CADPS2: variants seen among roughly 807,000 people sequenced by gnomAD.
CADPS2 encodes calcium dependent secretion activator 2, also known as calcium-dependent secretion activator 2.
Under a neutral mutation model 172.5 loss-of-function variants are expected in CADPS2, and 93 were observed. The ratio of observed to expected loss-of-function variants is 0.54; its 90% CI spans 0.46 to 0.64. The LOEUF (loss-of-function observed/expected upper bound fraction) is 0.64, where lower values mean the gene tolerates loss of function less well. Among genes scored for constraint, CADPS2 ranks in the 30% least tolerant of loss-of-function variants. CADPS2 has a pLI of 0.00. For missense variants in CADPS2, 1,420 were observed against 1,565.9 expected, an observed-to-expected ratio of 0.91 and a Z score of 1.57; for synonymous variants, 546 against 555.2, an observed-to-expected ratio of 0.98 and a Z score of 0.23.
intron 6 of CADPS2, among the ~76,000 whole-genome samples, chr7:122,610,865 G>C (rs2074206409): frequency 6.6e-6 from 1 of 152,086 alleles, no homozygotes; most frequent in Admixed American, 6.6e-5. Flanking sequence ...TTCTTCCAAT[G>C]GGTTTCAGAA....
At chr7:122,475,543 T>C (rs1230243503) in intron 12 of CADPS2, among the ~76,000 whole-genome samples, 1 of 152,206 alleles carries the variant, frequency 6.6e-6, no homozygotes, top group Non-Finnish European at 1.5e-5. Flanking sequence ...AAAAGTTTAT[T>C]GATTAAACCC....
intron 6 of CADPS2, among the ~76,000 whole-genome samples, chr7:122,593,467 G>A (rs543019412): frequency 7.9e-5 from 12 of 152,042 alleles, no homozygotes; most frequent in East Asian, 7.8e-4. Context: ...GACCCGGGGC[G>A]AGCAACTTTA....
chr7:122,520,287 AC>A (rs2060681701), intron 8 of CADPS2, among the ~76,000 whole-genome samples: 1 of 152,068 alleles, frequency 6.6e-6, no homozygotes, highest in Admixed American at 6.6e-5. Flanking sequence ...CAATGCTTAT[AC>A]GACAAAACTA....
Position 122,663,201 on chromosome 7 carries a change from C to G in CADPS2, c.786+36G>C. On this transcript the variant is annotated intron_variant, in intron 3 of 29. Transcript: ENST00000449022. ...AATACTTCATGTTCATTCCACGAGTCAGACAGGGGAAGGGAAAATATCAGA... is the reference window on the plus strand; with the variant it reads ...AATACTTCATGTTCATTCCACGAGTGAGACAGGGGAAGGGAAAATATCAGA... The G allele has an allele frequency of 2.1e-6, 3 of 1,424,326 alleles. No homozygotes were observed. The South Asian group carries it at 3.7e-5, about 18-fold the overall frequency. The allele number at this position is 1,424,326 out of a possible 1,614,324, so 88.2% of individuals were successfully genotyped here.
intron 14 of CADPS2, among the ~76,000 whole-genome samples, chr7:122,457,734 G>C (rs1337526805): frequency 6.6e-6 from 1 of 152,132 alleles, no homozygotes; most frequent in Admixed American, 6.6e-5. Context: ...CCATCTTCTA[G>C]AGTTATTTTT....
At chr7:122,396,416 A>G (rs2045138414) in intron 20 of CADPS2, among the ~76,000 whole-genome samples, 1 of 152,166 alleles carries the variant, frequency 6.6e-6, no homozygotes, top group Non-Finnish European at 1.5e-5. Flanking sequence ...TAGGATCCTA[A>G]TATTTCCTCT....
At position 122,552,791 on chromosome 7, in the gene CADPS2, T is replaced by TTA. The variant is rs1554617944; in HGVS notation, c.1475+1758_1475+1759insTA. Among the ~76,000 whole-genome samples the TTA allele has an allele frequency of 7.0e-4, 105 of 150,852 alleles. 1 individual carries two copies. Among genetic ancestry groups the TTA allele is most frequent in the African/African-American group, 2.4e-3 (100 of 40,912 alleles). ...TAGGTTCCTGTTTTTTTTTTTTTTT[T>TTA]TTATTATTGTGCCATTCATCAAAAG... On this transcript the variant is annotated intron_variant, in intron 8 of 29. Coordinates refer to ENST00000449022, the MANE Select transcript of CADPS2 (RefSeq NM_017954.11).
intron 9 of CADPS2, among the ~76,000 whole-genome samples, chr7:122,512,082 A>G (rs2060043491): frequency 6.6e-6 from 1 of 152,090 alleles, no homozygotes; most frequent in South Asian, 2.1e-4. Flanking sequence ...AGAAGAGGTT[A>G]CTTTTTAGCC....
chr7:122,623,598 A>C (rs1430271343), intron 4 of CADPS2, among the ~76,000 whole-genome samples: 1 of 152,190 alleles, frequency 6.6e-6, no homozygotes, highest in Non-Finnish European at 1.5e-5. Context: ...TTCAGTTTAA[A>C]TCTGTATTAG....
At chr7:122,382,756 G>A (rs1328090437) in intron 24 of CADPS2, among the ~76,000 whole-genome samples, 2 of 152,048 alleles carry the variant, frequency 1.3e-5, no homozygotes, top group East Asian at 3.9e-4. Flanking sequence ...GTTCAAGGTT[G>A]CAGTGAGCTA....
intron 28 of CADPS2, among the ~76,000 whole-genome samples, chr7:122,327,250 C>T (rs1384417564): frequency 6.6e-6 from 1 of 152,028 alleles, no homozygotes; most frequent in African/African-American, 2.4e-5. Flanking sequence ...AAATAATTTA[C>T]AGCTTCAACT....
chr7:122,332,790 A>T (rs995329839), intron 28 of CADPS2, among the ~76,000 whole-genome samples: 1 of 152,228 alleles, frequency 6.6e-6, no homozygotes, highest in African/African-American at 2.4e-5. Flanking sequence ...GTTCACTACT[A>T]CTTTCAAAAT....
At position 122,581,265 on chromosome 7, in the gene CADPS2, T is replaced by C. The variant is rs1401064368; in HGVS notation, c.1249A>G (p.Thr417Ala). ...TTGACCACAGGCCGAGGATGGGTGG[T>C]GGTGAAATCTCCTTGAGTCCCCCAT... is the stretch of plus-strand genomic sequence containing the variant. ...PQWGTQGDFT[T>A]THPRPVVKVK... Residue 417 changes from threonine to alanine, a missense_variant, in exon 7 of 30, where the codon ACC becomes GCC. Physicochemically the swap from Thr to Ala is moderately conservative, Grantham distance 58 (BLOSUM62 0). Coordinates refer to ENST00000449022, the MANE Select transcript of CADPS2 (RefSeq NM_017954.11). 4.3e-6 allele frequency: 7 copies of C among 1,613,120 alleles called. No homozygotes were observed. The highest frequency in any genetic ancestry group is 5.9e-6 in the Non-Finnish European group (7 of 1,179,344).
intron 2 of CADPS2, among the ~76,000 whole-genome samples, chr7:122,700,033 A>G (rs1337312610): frequency 6.6e-6 from 1 of 152,152 alleles, no homozygotes; most frequent in East Asian, 1.9e-4. Context: ...TTTTGCCACA[A>G]TCATGTCAGT....
chr7:122,836,896 A>G (rs1489602446), intron 1 of CADPS2, among the ~76,000 whole-genome samples: 1 of 152,184 alleles, frequency 6.6e-6, no homozygotes, highest in Non-Finnish European at 1.5e-5. Flanking sequence ...AAGGATATCC[A>G]GGAATTGAAC....
At position 122,476,492 on chromosome 7, in the gene CADPS2, T is replaced by C. The variant is rs540785469; in HGVS notation, c.1862-1975A>G. On this transcript the variant is annotated intron_variant, in intron 12 of 29. Transcript: ENST00000449022. The stretch of plus-strand genomic sequence containing the variant: ...TCATTTCTATAATTAAATCATATTT[T>C]TGTAAATTTATAAAGTACTTTTCTC... Among the ~76,000 whole-genome samples, 70 of 152,314 alleles carry C rather than the reference T, an allele frequency of 4.6e-4. 1 individual carries two copies. Among genetic ancestry groups the C allele is most frequent in the Non-Finnish European group, 7.6e-4 (52 of 68,022 alleles).
chr7:122,603,501 G>A (rs2073081172), intron 6 of CADPS2, among the ~76,000 whole-genome samples: 1 of 151,040 alleles, frequency 6.6e-6, no homozygotes, highest in South Asian at 2.1e-4. Context: ...ATAAAAAATA[G>A]TGAATATATG....
chr7:122,324,741 C>A (rs750167083), intron 29 of CADPS2, among the ~76,000 whole-genome samples: 10 of 151,960 alleles, frequency 6.6e-5, no homozygotes, highest in Non-Finnish European at 1.3e-4. Context: ...ATGTTTTCTG[C>A]CATAAGGTGA....
intron 1 of CADPS2, among the ~76,000 whole-genome samples, chr7:122,784,709 C>A (rs1589187040): frequency 6.6e-6 from 1 of 152,032 alleles, no homozygotes; most frequent in East Asian, 1.9e-4. Flanking sequence ...CTTAAGGTAA[C>A]TTTAGTATTT....
Sources: allele counts gnomAD v4.1 joint callset (sites outside exome capture counted in the v4.1 genomes callset), GRCh38; gene constraint gnomAD v4.1.1; transcripts MANE v1.5; gene names NCBI Gene and HGNC (gene_info 2026-07-23, HGNC 2026-07-21).